The following PRDM1 variants were observed in gnomAD, a reference collection of about 807,000 sequenced individuals.
The protein encoded by PRDM1 is PR domain zinc finger protein 1.
A neutral mutation model predicts 62.8 loss-of-function variants in PRDM1; 13 were observed. The observed-to-expected ratio is 0.21, with a 90% CI of 0.13 to 0.33. PRDM1 has a LOEUF of 0.33. Ranked by LOEUF, PRDM1 falls within the 10% of genes least tolerant of loss-of-function variation. The probability of loss-of-function intolerance (pLI) is 1.00; values close to 1 mark genes in which losing one functional copy is unlikely to be tolerated. For missense variants in PRDM1, 895 were observed against 1,058.8 expected, an observed-to-expected ratio of 0.85 and a Z score of 2.15; for synonymous variants, 396 against 417.6, an observed-to-expected ratio of 0.95 and a Z score of 0.63.
At chr6:106,091,152 A>G (rs1318046307) in intron 2 of PRDM1, among the ~76,000 whole-genome samples, 1 of 152,194 alleles carries the variant, frequency 6.6e-6, no homozygotes, top group Non-Finnish European at 1.5e-5. Flanking sequence ...TCAAGCATTT[A>G]TATTTTAGAA....
chr6:106,015,035 G>A (rs1429617638), intron 1 of PRDM1, among the ~76,000 whole-genome samples: 1 of 152,158 alleles, frequency 6.6e-6, no homozygotes, highest in Non-Finnish European at 1.5e-5. Context: ...CCTTGCCCTT[G>A]TAGTCTGAGC....
At chr6:106,074,068 A>G (rs1417913171) in intron 1 of PRDM1, among the ~76,000 whole-genome samples, 2 of 152,154 alleles carry the variant, frequency 1.3e-5, no homozygotes, top group Non-Finnish European at 1.5e-5. Context: ...GGTGCTGATG[A>G]AAATTGCAAA....
Position 106,106,251 on chromosome 6 carries a change from T to C in PRDM1, c.1774-120T>C. The stretch of plus-strand genomic sequence containing the variant: ...TCTGAAAACATGAAGATTTCTTCTT[T>C]TTAAGACTGTCTTGATGCTTTTCTT... On this transcript the variant is annotated intron_variant, in intron 5 of 6. Coordinates refer to ENST00000369096, the MANE Select transcript of PRDM1 (RefSeq NM_001198.4). The surrounding 1 kb of genome is among the most constrained non-coding windows in gnomAD (Gnocchi z 4.4). 2 of 1,420,122 alleles carry C rather than the reference T, an allele frequency of 1.4e-6. No individual in the cohort carries two copies. Among genetic ancestry groups the C allele is most frequent in the South Asian group, 1.4e-5 (1 of 71,514 alleles). 88.0% of individuals were successfully genotyped at this position (1,420,122 alleles called of 1,614,324 possible). A position where few individuals can be genotyped will look rare whatever the true frequency, so the allele number is the denominator to read the frequency against.
chr6:106,098,418 T>C (rs996607079), intron 3 of PRDM1: 6 of 985,422 alleles, frequency 6.1e-6, no homozygotes, highest in Middle Eastern at 1.0e-3. Context: ...GTAGTATTAC[T>C]CTAGGACAAA....
intron 2 of PRDM1, among the ~76,000 whole-genome samples, chr6:106,094,488 G>A (rs747643485): frequency 1.3e-5 from 2 of 152,148 alleles, no homozygotes; most frequent in Non-Finnish European, 2.9e-5. Context: ...GGAGGAACTG[G>A]TATAGTTAAC....
chr6:106,002,519 T>C (rs1039112552), intron 1 of PRDM1, among the ~76,000 whole-genome samples: 2 of 152,198 alleles, frequency 1.3e-5, no homozygotes, highest in East Asian at 3.8e-4. Context: ...GCATCTAATA[T>C]TAGAAATGAA....
chr6:106,054,901 G>T (rs1263203269), intron 1 of PRDM1, among the ~76,000 whole-genome samples: 6 of 152,232 alleles, frequency 3.9e-5, no homozygotes, highest in Non-Finnish European at 7.3e-5. Flanking sequence ...TCCTTTGACA[G>T]AGTGGATACA....
rs75959476 is a variant in PRDM1 at position 106,076,958 on chromosome 6, C to G, written c.-66-11243C>G. ...GTGCAGATGGCTGAGTGGACAAAAG[C>G]AGACCCCACAAGAACTGTGTAAGTC... On this transcript the variant is annotated intron_variant, in intron 1 of 6. Coordinates refer to the PRDM1 transcript ENST00000651185. Among the ~76,000 whole-genome samples, 861 of 152,320 alleles carry G rather than the reference C, an allele frequency of 5.7e-3. 17 individuals are homozygous for G. Among genetic ancestry groups the G allele is most frequent in the East Asian group, 0.046 (238 of 5,186 alleles).
At chr6:106,040,757 A>G (rs1349603970) in intron 1 of PRDM1, among the ~76,000 whole-genome samples, 1 of 152,222 alleles carries the variant, frequency 6.6e-6, no homozygotes, top group African/African-American at 2.4e-5. Flanking sequence ...TGTATCCTTT[A>G]TTACCTTCCT....
chr6:106,089,670 C>A (rs1258864665), intron 2 of PRDM1, among the ~76,000 whole-genome samples: 1 of 152,074 alleles, frequency 6.6e-6, no homozygotes, highest in East Asian at 1.9e-4. Context: ...TGAATGTTAC[C>A]AAAAAATTTA....
chr6:105,999,225 C>G (rs1370436594), intron 1 of PRDM1, among the ~76,000 whole-genome samples: 1 of 151,848 alleles, frequency 6.6e-6, no homozygotes, highest in African/African-American at 2.4e-5. Context: ...AGGCATGAGC[C>G]ACCACGCCCA....
chr6:106,083,143 G>A (rs926469217), upstream of PRDM1, among the ~76,000 whole-genome samples: 7 of 147,952 alleles, frequency 4.7e-5, no homozygotes, highest in Middle Eastern at 3.4e-3. Flanking sequence ...TCAGGCTCAG[G>A]CTTACAGTTG....
At position 106,107,542 on chromosome 6, in the gene PRDM1, G is replaced by T; in HGVS notation, c.*56G>T. On this transcript the variant is annotated 3_prime_UTR_variant, in exon 7 of 7. Coordinates refer to ENST00000369096, the MANE Select transcript of PRDM1 (RefSeq NM_001198.4). ...AAGTTATGACTTGGTGAGTCAGGGT[G>T]CCTGTAGGAAGTGGCTTGTACATAA... 1.4e-6 allele frequency: 2 copies of T among 1,472,344 alleles called. No homozygotes were observed. Among genetic ancestry groups the T allele is most frequent in the Non-Finnish European group, 1.8e-6 (2 of 1,090,624 alleles). The allele number at this position is 1,472,344 out of a possible 1,614,324, so 91.2% of individuals were successfully genotyped here. A position where few individuals can be genotyped will look rare whatever the true frequency, so the allele number is the denominator to read the frequency against.
intron 1 of PRDM1, among the ~76,000 whole-genome samples, chr6:106,053,171 G>A (rs893481742): frequency 5.9e-5 from 9 of 151,934 alleles, no homozygotes; most frequent in African/African-American, 4.8e-5. Context: ...GCCTTCATCC[G>A]ATAATTTTTA....
chr6:106,005,321 A>G (rs907253123), intron 1 of PRDM1, among the ~76,000 whole-genome samples: 1 of 152,206 alleles, frequency 6.6e-6, no homozygotes, highest in African/African-American at 2.4e-5. Context: ...GTCTCTACTA[A>G]ATAGTTGTCT....
intron 1 of PRDM1, among the ~76,000 whole-genome samples, chr6:106,079,117 C>G (rs973677890): frequency 6.6e-6 from 1 of 151,834 alleles, no homozygotes; most frequent in Non-Finnish European, 1.5e-5. Context: ...CCCGCCACCA[C>G]GTGGGCCTGG....
At chr6:106,085,856 C>CG (rs1773787269), upstream of PRDM1, among the ~76,000 whole-genome samples, 1 of 117,806 alleles carries the variant, frequency 8.5e-6, no homozygotes, top group Admixed American at 1.2e-4. Flanking sequence ...ACTTTTGGGG[C>CG]GGGGGGCGGG....
chr6:106,105,590 G>T lies in PRDM1; in HGVS notation c.1430G>T (p.Arg477Met). Residue 477 changes from arginine to methionine, a missense_variant, in exon 5 of 7, where the codon AGG (arginine) becomes ATG (methionine). Transcript: ENST00000369096. ...TCGCTGCCCTCAGATGGAGCCCGGAGGTTGCTCCAGCCGGAGCATCCCAGG... is the reference window on the plus strand; with the variant it reads ...TCGCTGCCCTCAGATGGAGCCCGGATGTTGCTCCAGCCGGAGCATCCCAGG... ...PSSLPSDGAR[R>M]LLQPEHPREV... 5.0e-6 allele frequency: 8 copies of T among 1,613,204 alleles called. No individual in the cohort carries two copies. The highest frequency in any genetic ancestry group is 6.8e-6 in the Non-Finnish European group (8 of 1,179,322).
At chr6:106,067,310 C>T (rs1582447875) in intron 1 of PRDM1, among the ~76,000 whole-genome samples, 1 of 152,238 alleles carries the variant, frequency 6.6e-6, no homozygotes, top group East Asian at 1.9e-4. Context: ...GAATAAATTC[C>T]TGTAAATGTA....
Sources: gnomAD v4.1 joint callset for allele counts (sites outside exome capture counted in the v4.1 genomes callset) on GRCh38, gnomAD v4.1.1 for gene constraint, Gnocchi (gnomAD v3.1) non-coding constraint, MANE v1.5 for transcripts, NCBI Gene and HGNC (gene_info 2026-07-23, HGNC 2026-07-21) for gene names.